Variants in CUZD1 observed in about 807,000 individuals in gnomAD.
The protein encoded by CUZD1 is CUB and zona pellucida like domains 1.
A neutral mutation model predicts 53.1 loss-of-function variants in CUZD1; 42 were observed. The observed-to-expected ratio is 0.79, with a 90% CI of 0.62 to 1.02. The LOEUF (loss-of-function observed/expected upper bound fraction) is 1.02. CUZD1 is among the 50% of genes least tolerant of loss of function. The probability of loss-of-function intolerance (pLI) is 0.00; values close to 1 mark genes in which losing one functional copy is unlikely to be tolerated. For missense variants in CUZD1, 670 were observed against 715.7 expected (o/e 0.94, Z 0.73); for synonymous variants, 238 against 257.2 (o/e 0.93, Z 0.71).
At chr10:122,836,806 G>A (rs1351843796) in intron 5 of CUZD1, 25 bp downstream of exon 5, 1 of 1,565,594 alleles carries the variant, frequency 6.4e-7, no homozygotes, top group Admixed American at 1.7e-5. Flanking sequence ...GCTCAAAATA[G>A]CTAAGAATAT....
chr10:122,840,570 C>G (rs1847325099), intron 2 of CUZD1, among the ~76,000 whole-genome samples: 1 of 152,138 alleles, frequency 6.6e-6, no homozygotes, highest in African/African-American at 2.4e-5. Flanking sequence ...AGAGGATTAA[C>G]TAGAGGCAGA....
chr10:122,841,064 G>A, intron 2 of CUZD1, 114 bp downstream of exon 2: 1 of 965,224 alleles, frequency 1.0e-6, no homozygotes, highest in Non-Finnish European at 1.6e-6. Context: ...ATGGTTGTCA[G>A]TGTCACTACC....
At chr10:122,838,984 A>C in intron 3 of CUZD1, 33 bp downstream of exon 3, 1 of 1,503,280 alleles carries the variant, frequency 6.7e-7, no homozygotes, top group Non-Finnish European at 9.3e-7. Flanking sequence ...CTTGTAGGAG[A>C]TGTGGGTGAA....
At chr10:122,845,045 T>C (rs1288925005) in intron 1 of CUZD1, among the ~76,000 whole-genome samples, 2 of 151,870 alleles carry the variant, frequency 1.3e-5, no homozygotes, top group Non-Finnish European at 2.9e-5. Flanking sequence ...TTTCTCTTAA[T>C]GTGGTCTATG....
chr10:122,836,031 T>A, intron 6 of CUZD1, 147 bp downstream of exon 6: 1 of 621,044 alleles, frequency 1.6e-6, no homozygotes, highest in Non-Finnish European at 2.7e-6. Flanking sequence ...GTATGTGCAC[T>A]TATATGTCTT....
At chr10:122,841,134 C>T in intron 2 of CUZD1, 44 bp downstream of exon 2, 1 of 1,566,962 alleles carries the variant, frequency 6.4e-7, no homozygotes, top group Middle Eastern at 1.7e-4. Flanking sequence ...CCAATGTGGT[C>T]AGAGTTCGAT....
intron 5 of CUZD1, 42 bp from the exon 6 acceptor site, chr10:122,836,392 C>G (rs753684373): frequency 2.7e-6 from 4 of 1,474,192 alleles, no homozygotes; most frequent in Admixed American, 5.0e-5. Flanking sequence ...CATGTTTATG[C>G]CAGCTAGGAA....
chr10:122,839,431 A>T (rs564334892), intron 2 of CUZD1, among the ~76,000 whole-genome samples, 200 bp from the exon 3 acceptor site: 40 of 152,326 alleles, frequency 2.6e-4, no homozygotes, highest in African/African-American at 8.7e-4. Context: ...GCTCAGGGAG[A>T]TGAACTGCTT....
At chr10:122,840,247 A>C (rs1255862672) in intron 2 of CUZD1, among the ~76,000 whole-genome samples, 3 of 152,242 alleles carry the variant, frequency 2.0e-5, no homozygotes, top group African/African-American at 7.2e-5. Context: ...TTGGACCTGC[A>C]GCATCAACAT....
At chr10:122,845,202 G>A (rs920238264) in intron 1 of CUZD1, among the ~76,000 whole-genome samples, 6 of 151,078 alleles carry the variant, frequency 4.0e-5, no homozygotes, top group African/African-American at 1.5e-4. Context: ...TCAGCCTCCC[G>A]AGTAGCTGGG....
Position 122,841,228 on chromosome 10 carries a change from T to G in CUZD1, c.183A>C (p.Thr61=), listed in dbSNP as rs1433111523. 5.6e-6 allele frequency: 9 copies of G among 1,613,946 alleles called. No homozygotes were observed. The highest frequency in any genetic ancestry group is 1.3e-5 in the African/African-American group (1 of 75,032). Residue 61 remains threonine (T), a synonymous_variant, in exon 2 of 9, where the codon ACA becomes ACC. Transcript: ENST00000392790. ...QLNPSENCTW[T]IERPENKSIR... is the part of the protein sequence containing the mutation. ...TGCTTTTGTTTTCTGGTCTTTCTAT[T>G]GTCCAGGTGCAGTTCTCACTGGGAT...
chr10:122,836,815 A>G lies in CUZD1; in HGVS notation c.817+16T>C, dbSNP rs1286962379. 6.3e-7 allele frequency: 1 copy of G among 1,589,132 alleles called. No individual in the cohort carries two copies. The highest frequency in any genetic ancestry group is 1.7e-5 in the Admixed American group (1 of 59,956). On this transcript the variant is annotated intron_variant, in intron 5 of 8. Transcript: ENST00000392790. ...CGAAGAGCTCAAAATAGCTAAGAATATAAAACATGACTTACTAGTGTTGAT... is the reference window on the plus strand; with the variant it reads ...CGAAGAGCTCAAAATAGCTAAGAATGTAAAACATGACTTACTAGTGTTGAT...
At chr10:122,842,626 A>C (rs1249827022) in intron 1 of CUZD1, among the ~76,000 whole-genome samples, 1 of 152,140 alleles carries the variant, frequency 6.6e-6, no homozygotes, top group Non-Finnish European at 1.5e-5. Flanking sequence ...TAGAGTCAGC[A>C]TGTCTGTATC....
At chr10:122,835,711 T>C (rs955214395) in intron 6 of CUZD1, among the ~76,000 whole-genome samples, 13 of 152,236 alleles carry the variant, frequency 8.5e-5, no homozygotes, top group South Asian at 2.1e-4. Context: ...ATGGGACTTC[T>C]AGAAAATGGA....
rs1181691220 is a variant in CUZD1, at chr10:122,836,310, TATA to T, written c.855_857del (p.Ile286del). On this transcript the variant is annotated inframe_deletion, in exon 6 of 9. Transcript: ENST00000392790. ...TAAAAGCCTCTAGGTAGGATTTGCT[TATA>T]ATAACTCTCATCCTGTCAGAAGAGC... is the stretch of plus-strand genomic sequence containing the variant. 6.2e-7 allele frequency: 1 copy of T among 1,606,818 alleles called. No homozygotes were observed. Among genetic ancestry groups the T allele is most frequent in the African/African-American group, 1.3e-5 (1 of 74,244 alleles).
At chr10:122,834,626 C>A in intron 7 of CUZD1, 80 bp downstream of exon 7, 1 of 1,243,278 alleles carries the variant, frequency 8.0e-7, no homozygotes, top group South Asian at 1.9e-5. Flanking sequence ...TATATATACA[C>A]AACACAAAAA....
Position 122,842,725 on chromosome 10 carries a change from T to C in CUZD1, c.83-1397A>G, listed in dbSNP as rs192871437. 1.1e-4 allele frequency among the ~76,000 whole-genome samples: 16 copies of C among 152,362 alleles called. No individual in the cohort carries two copies. The East Asian group carries it at 2.9e-3, about 28-fold the overall frequency. On this transcript the variant is annotated intron_variant, in intron 1 of 8. Transcript: ENST00000392790. ...AAAAAGGATGGTTTTTAAAAGACAC[T>C]TGATTTCTAGAATGTATAAAGAATT...
intron 2 of CUZD1, 105 bp downstream of exon 2, chr10:122,841,073 C>T (rs1847333632): frequency 9.3e-7 from 1 of 1,070,884 alleles, no homozygotes; most frequent in East Asian, 2.4e-5. Flanking sequence ...AGTGTCACTA[C>T]CACCTCTAGC....
chr10:122,832,469 TG>T lies in CUZD1; in HGVS notation c.1652-20del. 1 of 1,611,476 alleles carries T rather than the reference TG, an allele frequency of 6.2e-7. No individual in the cohort carries two copies. The highest frequency in any genetic ancestry group is 1.3e-5 in the African/African-American group (1 of 74,932). On this transcript the variant is annotated intron_variant, in intron 8 of 8. Coordinates refer to ENST00000392790, the MANE Select transcript of CUZD1 (RefSeq NM_022034.6). The stretch of plus-strand genomic sequence containing the variant: ...TGAAATCCTAAAATTGGAAACAAGA[TG>T]AAAATCACTTTTTAAGAAGTGTTCA...
Sources: allele counts gnomAD v4.1 joint callset (sites outside exome capture counted in the v4.1 genomes callset), GRCh38; gene constraint gnomAD v4.1.1; transcripts MANE v1.5; gene names NCBI Gene and HGNC (gene_info 2026-07-23, HGNC 2026-07-21).